The following DISC1 variants were observed in gnomAD, a reference collection of about 807,000 sequenced individuals.
DISC1 encodes DISC1 scaffold protein, also known as disrupted in schizophrenia 1 protein.
In DISC1, 57 loss-of-function variants were observed where a neutral mutation model predicts 84.5. The ratio of observed to expected loss-of-function variants is 0.67; its 90% CI spans 0.55 to 0.84. The LOEUF (loss-of-function observed/expected upper bound fraction) is 0.84, where lower values mean the gene tolerates loss of function less well. DISC1 is among the 40% of genes least tolerant of loss of function. The pLI is 0.00. For synonymous variants in DISC1, 411 were observed against 415.2 expected, an observed-to-expected ratio of 0.99 and a Z score of 0.12; for missense variants, 1,000 against 1,057.8, an observed-to-expected ratio of 0.95 and a Z score of 0.76.
intron 9 of DISC1, among the ~76,000 whole-genome samples, chr1:231,864,577 G>A (rs2084921508): frequency 6.6e-6 from 1 of 152,076 alleles, no homozygotes; most frequent in African/African-American, 2.4e-5. Context: ...GCAGGAGAAT[G>A]ACATGAACCC....
chr1:231,727,639 G>C (rs2070919132), intron 3 of DISC1, among the ~76,000 whole-genome samples: 1 of 152,056 alleles, frequency 6.6e-6, no homozygotes, highest in African/African-American at 2.4e-5. Context: ...CAATCTCTTG[G>C]AATCATTTTT....
At chr1:231,652,135 C>T (rs2060678129) in intron 1 of DISC1, among the ~76,000 whole-genome samples, 1 of 152,162 alleles carries the variant, frequency 6.6e-6, no homozygotes, top group African/African-American at 2.4e-5. Flanking sequence ...ACAGGTACCT[C>T]AGTTGGAAAT....
chr1:231,991,691 CT>C (rs924823662), intron 10 of DISC1, among the ~76,000 whole-genome samples: 7 of 151,342 alleles, frequency 4.6e-5, no homozygotes, highest in South Asian at 4.2e-4. Flanking sequence ...AAGTATGTTA[CT>C]TTTTTTTTAT....
chr1:232,034,754 C>T (rs1385829461), intron 12 of DISC1, among the ~76,000 whole-genome samples: 2 of 152,180 alleles, frequency 1.3e-5, no homozygotes, highest in African/African-American at 4.8e-5. Flanking sequence ...GCCTGCTCTT[C>T]ACAGATGTGG....
At chr1:231,834,476 C>A (rs1017737351) in intron 9 of DISC1, among the ~76,000 whole-genome samples, 4 of 152,046 alleles carry the variant, frequency 2.6e-5, no homozygotes, top group Non-Finnish European at 5.9e-5. Flanking sequence ...AGACCGTTTG[C>A]CCATTTTATG....
chr1:231,634,907 G>A (rs960177848), intron 1 of DISC1, among the ~76,000 whole-genome samples: 3 of 144,860 alleles, frequency 2.1e-5, no homozygotes, highest in African/African-American at 7.8e-5. Flanking sequence ...GGACAACATA[G>A]CAAGACCCTG....
At chr1:231,785,041 G>A (rs1315140891) in intron 6 of DISC1, among the ~76,000 whole-genome samples, 2 of 152,116 alleles carry the variant, frequency 1.3e-5, no homozygotes, top group Non-Finnish European at 2.9e-5. Flanking sequence ...TGTCCGATGG[G>A]TGCCATGTGA....
chr1:232,010,943 C>G (rs554290364), intron 11 of DISC1, among the ~76,000 whole-genome samples: 68 of 152,216 alleles, frequency 4.5e-4, no homozygotes, highest in Middle Eastern at 3.4e-3. Flanking sequence ...TTATTTATGG[C>G]CTGCTTCAGG....
At chr1:231,681,719 G>T (rs908778443) in intron 1 of DISC1, among the ~76,000 whole-genome samples, 2 of 151,644 alleles carry the variant, frequency 1.3e-5, no homozygotes, top group Non-Finnish European at 2.9e-5. Flanking sequence ...TTTTTAGAAG[G>T]AGTTTTACTC....
chr1:231,879,717 C>T (rs115945050), intron 9 of DISC1, among the ~76,000 whole-genome samples: 301 of 152,042 alleles, frequency 2.0e-3, no homozygotes, highest in African/African-American at 6.7e-3. Flanking sequence ...ACAAGAATGA[C>T]CCTGTTCAAG....
chr1:231,799,760 G>A (rs1427180133), intron 7 of DISC1, among the ~76,000 whole-genome samples: 3 of 150,560 alleles, frequency 2.0e-5, no homozygotes, highest in Non-Finnish European at 4.4e-5. Flanking sequence ...GATGTGGGGT[G>A]ATGATGGGCA....
chr1:231,898,376 C>G (rs1017536210), intron 9 of DISC1, among the ~76,000 whole-genome samples: 3 of 152,100 alleles, frequency 2.0e-5, no homozygotes, highest in African/African-American at 7.2e-5. Context: ...TGGACAGACT[C>G]TGGAAGGTGA....
intron 1 of DISC1, among the ~76,000 whole-genome samples, chr1:231,676,624 T>A (rs529077496): frequency 6.6e-6 from 1 of 152,340 alleles, no homozygotes; most frequent in Admixed American, 6.5e-5. Context: ...TTGACATGTC[T>A]CCTATTCTCC....
intron 10 of DISC1, among the ~76,000 whole-genome samples, chr1:231,972,457 C>G (rs1390486128): frequency 6.6e-6 from 1 of 152,112 alleles, no homozygotes; most frequent in East Asian, 1.9e-4. Flanking sequence ...TGAATATGGC[C>G]CCATCTTTGT....
chr1:231,981,511 T>C (rs1027026451), intron 10 of DISC1, among the ~76,000 whole-genome samples: 1 of 152,200 alleles, frequency 6.6e-6, no homozygotes, highest in Non-Finnish European at 1.5e-5. Context: ...CATTTATCAT[T>C]TTCCCCTGCT....
chr1:231,761,342 A>G (rs1267848233), intron 4 of DISC1, among the ~76,000 whole-genome samples: 1 of 152,222 alleles, frequency 6.6e-6, no homozygotes, highest in Non-Finnish European at 1.5e-5. Flanking sequence ...GAGAATTATT[A>G]AATATAAAGG....
intron 10 of DISC1, among the ~76,000 whole-genome samples, chr1:231,961,758 G>A (rs181561729): frequency 6.6e-6 from 1 of 152,136 alleles, no homozygotes; most frequent in African/African-American, 2.4e-5. Flanking sequence ...AATGTACCAT[G>A]TTTTCTTTAT....
At chr1:231,924,661 T>A (rs2090232051) in intron 9 of DISC1, among the ~76,000 whole-genome samples, 1 of 151,264 alleles carries the variant, frequency 6.6e-6, no homozygotes, top group South Asian at 2.1e-4. Flanking sequence ...TGCAACAATT[T>A]TTTTTTTTTT....
intron 8 of DISC1, among the ~76,000 whole-genome samples, chr1:231,806,384 G>A (rs2079711038): frequency 6.6e-6 from 1 of 152,222 alleles, no homozygotes; most frequent in Admixed American, 6.5e-5. Flanking sequence ...CAACTAGGCT[G>A]GGCCACTTGT....
Sources: allele counts gnomAD v4.1 joint callset (sites outside exome capture counted in the v4.1 genomes callset), GRCh38; gene constraint gnomAD v4.1.1; transcripts MANE v1.5; gene names NCBI Gene and HGNC (gene_info 2026-07-23, HGNC 2026-07-21).